The following ASXL2 variants were observed in gnomAD, a reference collection of about 807,000 sequenced individuals.
The protein encoded by ASXL2 is putative Polycomb group protein ASXL2.
ASXL2 carries 23 observed loss-of-function variants against 122.0 expected under a neutral mutation model. The observed-to-expected ratio is 0.19, with a 90% confidence interval of 0.14 to 0.27. The LOEUF is 0.27. Among genes scored for constraint, ASXL2 ranks in the 10% least tolerant of loss-of-function variants. The pLI, the probability that ASXL2 is intolerant of heterozygous loss-of-function variation, is 1.00. For missense variants in ASXL2, 1,518 were observed against 1,713.8 expected, an observed-to-expected ratio of 0.89 and a Z score of 2.02; for synonymous variants, 650 against 637.0, an observed-to-expected ratio of 1.02 and a Z score of -0.31.
intron 3 of ASXL2, among the ~76,000 whole-genome samples, chr2:25,830,303 A>C (rs1040407734): frequency 2.6e-5 from 4 of 152,232 alleles, no homozygotes; most frequent in Non-Finnish European, 4.4e-5. Flanking sequence ...ATTAGAGGAC[A>C]CCAACACTGA....
At chr2:25,750,851 A>G (rs1386596846) in intron 11 of ASXL2, among the ~76,000 whole-genome samples, 2 of 152,222 alleles carry the variant, frequency 1.3e-5, no homozygotes, top group African/African-American at 2.4e-5. Flanking sequence ...AAGGAAGCCC[A>G]AGACCCTTCC....
chr2:25,814,039 G>A (rs2089204785), intron 3 of ASXL2, among the ~76,000 whole-genome samples: 1 of 151,650 alleles, frequency 6.6e-6, no homozygotes, highest in South Asian at 2.1e-4. Flanking sequence ...GACAGAGCGA[G>A]ACTCCGTCTC....
At chr2:25,861,937 T>C (rs760452191) in intron 1 of ASXL2, among the ~76,000 whole-genome samples, 8 of 152,174 alleles carry the variant, frequency 5.3e-5, no homozygotes, top group Non-Finnish European at 1.0e-4. Context: ...GCAGGCAGAC[T>C]GGGGAAGATC....
intron 3 of ASXL2, among the ~76,000 whole-genome samples, chr2:25,811,193 C>CAGTG (rs1437192112): frequency 1.3e-4 from 19 of 151,924 alleles, no homozygotes; most frequent in Admixed American, 1.2e-3. Context: ...GTTGAGGCTG[C>CAGTG]AGTGAGCCAT....
chr2:25,843,681 A>T (rs2089614432), intron 2 of ASXL2, among the ~76,000 whole-genome samples: 1 of 151,998 alleles, frequency 6.6e-6, no homozygotes, highest in African/African-American at 2.4e-5. Flanking sequence ...ATGAGTGCCC[A>T]TAGTCCCAGC....
chr2:25,793,909 G>A (rs2088873600), intron 5 of ASXL2, among the ~76,000 whole-genome samples: 1 of 152,138 alleles, frequency 6.6e-6, no homozygotes, highest in African/African-American at 2.4e-5. Flanking sequence ...CCCTAACAGT[G>A]TAGCCATCTT....
chr2:25,830,354 G>A (rs1000694584), intron 3 of ASXL2, among the ~76,000 whole-genome samples: 10 of 152,196 alleles, frequency 6.6e-5, no homozygotes, highest in East Asian at 1.9e-4. Context: ...AGAGTAGGCC[G>A]AATGCAGCGG....
At chr2:25,865,405 C>T (rs1220659113) in intron 1 of ASXL2, among the ~76,000 whole-genome samples, 1 of 151,374 alleles carries the variant, frequency 6.6e-6, no homozygotes, top group Admixed American at 6.6e-5. Context: ...GCACTCCAGC[C>T]TGGATGACAG....
chr2:25,761,718 C>G (rs2088250705), intron 8 of ASXL2, among the ~76,000 whole-genome samples: 1 of 148,932 alleles, frequency 6.7e-6, no homozygotes, highest in Non-Finnish European at 1.5e-5. Flanking sequence ...CAGTAAACTT[C>G]TTAAAATGAA....
chr2:25,759,004 G>C (rs1309118934), intron 9 of ASXL2, among the ~76,000 whole-genome samples: 2 of 151,878 alleles, frequency 1.3e-5, no homozygotes, highest in Non-Finnish European at 2.9e-5. Flanking sequence ...ACTCAGGCTG[G>C]CGTCCAGTGG....
At chr2:25,866,821 C>T (rs1418218255) in intron 1 of ASXL2, among the ~76,000 whole-genome samples, 1 of 152,196 alleles carries the variant, frequency 6.6e-6, no homozygotes, top group Non-Finnish European at 1.5e-5. Context: ...CAACCTCCAC[C>T]TCCCAGGTTC....
chr2:25,744,364 G>C lies in ASXL2; in HGVS notation c.1973C>G (p.Ala658Gly), dbSNP rs569929404. ...SPNRTGARTL[A>G]DIKAKAQLVK... ...CAGTTGGGCTTTTGCTTTGATGTCT[G>C]CAAGAGTTCTGGCTCCTGTTCTGTT... The change falls in exon 13 of 13, where the codon GCA becomes GGA. Residue 658 changes from alanine (A) to glycine (G), a missense_variant. Physicochemically the swap from Ala to Gly is moderately conservative, Grantham distance 60. Coordinates refer to ENST00000435504, the MANE Select transcript of ASXL2 (RefSeq NM_018263.6). This position sits in a 1 kb window ranked among gnomAD's most constrained non-coding sequence, Gnocchi z 4.7. 2 of 1,613,990 alleles carry C rather than the reference G, an allele frequency of 1.2e-6. No homozygotes were observed. The highest frequency in any genetic ancestry group is 2.2e-5 in the East Asian group (1 of 44,886).
In ASXL2 at chr2:25,771,546, G is replaced by C. The variant is rs1353738175; in HGVS notation, c.404-6C>G. 5.6e-5 allele frequency: 89 copies of C among 1,598,660 alleles called. No individual in the cohort carries two copies. The highest frequency in any genetic ancestry group is 7.4e-5 in the Non-Finnish European group (87 of 1,172,500). ...CTGCGGGGAGGACGACGATACTAGG[G>C]AAAAAAAAGTGACAATAAAAGATTT... On this transcript the variant is annotated splice_polypyrimidine_tract_variant and splice_region_variant and intron_variant, in intron 5 of 12. Coordinates refer to ENST00000435504, the MANE Select transcript of ASXL2 (RefSeq NM_018263.6).
chr2:25,876,723 A>T (rs2090012396), intron 1 of ASXL2, among the ~76,000 whole-genome samples: 1 of 152,234 alleles, frequency 6.6e-6, no homozygotes, highest in Admixed American at 6.5e-5. Context: ...CTTATCTTTT[A>T]GAGGGAAACT....
intron 3 of ASXL2, among the ~76,000 whole-genome samples, chr2:25,821,234 A>G (rs1203271409): frequency 1.3e-5 from 2 of 152,044 alleles, no homozygotes; most frequent in South Asian, 2.1e-4. Context: ...GTGTGTTCCC[A>G]TAGTCCCAAC....
intron 3 of ASXL2, among the ~76,000 whole-genome samples, chr2:25,826,733 C>T (rs1172743555): frequency 3.6e-5 from 3 of 83,684 alleles, no homozygotes; most frequent in African/African-American, 1.3e-4. Context: ...CCTTGAACTT[C>T]AATAGGATTA....
At chr2:25,817,110 A>G (rs1272518536) in intron 3 of ASXL2, among the ~76,000 whole-genome samples, 1 of 152,192 alleles carries the variant, frequency 6.6e-6, no homozygotes, top group East Asian at 1.9e-4. Flanking sequence ...TGGCAGAGCA[A>G]GACTCTGTCT....
At chr2:25,831,302 CAAAAA>C (rs943377385) in intron 3 of ASXL2, among the ~76,000 whole-genome samples, 3 of 62,514 alleles carry the variant, frequency 4.8e-5, no homozygotes, top group Non-Finnish European at 6.6e-5. Flanking sequence ...GACTCCGTCT[CAAAAA>C]AAAAAAAAAA....
At chr2:25,773,987 G>A (rs2088504732) in intron 5 of ASXL2, among the ~76,000 whole-genome samples, 2 of 151,892 alleles carry the variant, frequency 1.3e-5, no homozygotes, top group Admixed American at 6.6e-5. Context: ...CTGAGATCAC[G>A]CCACTGTACT....
Sources: allele counts gnomAD v4.1 joint callset (sites outside exome capture counted in the v4.1 genomes callset), GRCh38; gene constraint gnomAD v4.1.1; non-coding constraint Gnocchi (gnomAD v3.1); transcripts MANE v1.5; gene names NCBI Gene and HGNC (gene_info 2026-07-23, HGNC 2026-07-21).